Variants in PITRM1 observed in about 807,000 individuals in gnomAD.
The protein encoded by PITRM1 is presequence protease, mitochondrial.
In PITRM1, 100 loss-of-function variants were observed where a neutral mutation model predicts 129.9. The ratio of observed to expected loss-of-function variants is 0.77; its 90% CI spans 0.65 to 0.91. The LOEUF (loss-of-function observed/expected upper bound fraction) is 0.91. Among genes scored for constraint, PITRM1 ranks in the 40% least tolerant of loss-of-function variants. The pLI, the probability that PITRM1 is intolerant of heterozygous loss-of-function variation, is 0.00. For missense variants in PITRM1, 1,471 were observed against 1,318.3 expected (o/e 1.12, Z -1.79); for synonymous variants, 591 against 508.8 (o/e 1.16, Z -2.17).
chr10:3,149,501 TACAC>T, intron 16 of PITRM1, 116 bp downstream of exon 16: 1 of 1,028,636 alleles, frequency 9.7e-7, no homozygotes, highest in South Asian at 1.8e-5. Flanking sequence ...ACACCATACT[TACAC>T]ACTAACATTG....
chr10:3,172,825 G>A, upstream of PITRM1: 1 of 1,518,244 alleles, frequency 6.6e-7, no homozygotes, highest in Non-Finnish European at 8.9e-7. Context: ...CCCGACGCAG[G>A]GCGCGGGGCG....
chr10:3,138,797 A>G, intron 25 of PITRM1, 107 bp downstream of exon 25: 1 of 998,924 alleles, frequency 1.0e-6, no homozygotes, highest in Non-Finnish European at 1.6e-6. Context: ...GCAAGGATGG[A>G]GGCACCAGAA....
chr10:3,165,159 C>G, intron 6 of PITRM1, 79 bp downstream of exon 6: 3 of 998,104 alleles, frequency 3.0e-6, no homozygotes, highest in South Asian at 3.3e-5. Context: ...TAAATAAAAT[C>G]TTCCAGATGT....
intron 13 of PITRM1, among the ~76,000 whole-genome samples, chr10:3,156,050 G>A (rs912624173): frequency 2.3e-4 from 35 of 152,220 alleles, no homozygotes; most frequent in Middle Eastern, 3.4e-3. Flanking sequence ...TTGTAAAAAG[G>A]TTTGCACTTT....
rs1253434811 is a variant in PITRM1 at position 3,138,058 on chromosome 10, G to A, written c.3087C>T (p.Ala1029=). 1.2e-6 allele frequency: 2 copies of A among 1,608,518 alleles called. No individual in the cohort carries two copies. The highest frequency in any genetic ancestry group is 2.7e-5 in the African/African-American group (2 of 74,826). ...ATTGGATGATCCAGGATGGGTCCTT[G>A]GCAATTTTCGGGTTCTCGGGTCCGA... ...AILGPENPKI[A]KDPSWIIQ is the part of the protein sequence containing the mutation. Residue 1029 remains alanine (A), a synonymous_variant, in exon 27 of 27, where the codon GCC becomes GCT. Coordinates refer to ENST00000224949, the MANE Select transcript of PITRM1 (RefSeq NM_014889.4).
At chr10:3,161,663 C>T (rs1177827359) in intron 7 of PITRM1, among the ~76,000 whole-genome samples, 8 of 130,562 alleles carry the variant, frequency 6.1e-5, no homozygotes, top group East Asian at 2.3e-4. Context: ...CCCGGCTGTG[C>T]GTGCATTAGG....
In PITRM1 at chr10:3,138,252, G is replaced by C. The variant is rs779150706; in HGVS notation, c.3003C>G (p.Leu1001=). The C allele has an allele frequency of 2.8e-5, 45 of 1,613,186 alleles. No individual in the cohort carries two copies. The South Asian group carries it at 4.4e-4, about 16-fold the overall frequency. The change falls in exon 26 of 27, where the codon CTC becomes CTG. Residue 1001 remains leucine (L), a synonymous_variant. Transcript: ENST00000224949. ...EQLFAVSHDK[L]LAVSDRYLGT... ...CCACTCACCTATCGCTCACGGCCAG[G>C]AGCTTGTCGTGGCTGACAGCAAAGA...
chr10:3,141,823 T>TCTA, intron 23 of PITRM1: 2 of 282,502 alleles, frequency 7.1e-6, no homozygotes, highest in Non-Finnish European at 7.5e-6. Context: ...GTGGGAGAAG[T>TCTA]CACGACCATC....
chr10:3,147,339 G>GCAC, intron 19 of PITRM1, 89 bp from the exon 20 acceptor site: 1 of 1,076,088 alleles, frequency 9.3e-7, no homozygotes, highest in South Asian at 1.3e-5. Flanking sequence ...TCAGAACCCT[G>GCAC]CTTGGGCAGG....
At chr10:3,165,812 C>G (rs1475324718) in intron 4 of PITRM1, among the ~76,000 whole-genome samples, 5 of 152,222 alleles carry the variant, frequency 3.3e-5, no homozygotes, top group Non-Finnish European at 7.3e-5. Context: ...TTTCATACAT[C>G]TACAAAGATG....
Position 3,145,625 on chromosome 10 carries a change from G to A in PITRM1, c.2428C>T (p.Arg810Trp), listed in dbSNP as rs376677614. 41 of 1,550,016 alleles carry A rather than the reference G, an allele frequency of 2.6e-5. No individual in the cohort carries two copies. Among genetic ancestry groups the A allele is most frequent in the African/African-American group, 9.6e-5 (7 of 73,132 alleles). ...ACCGTGTGTGGGCGCACAGGCCTCC[G>A]TTCCTTTTTACTCCGACCGATGCTT... The part of the protein sequence containing the change: ...LRSIGRSKKE[R>W]RPVRPHTVEK... The change falls in exon 21 of 27, where the codon CGG (arginine) becomes TGG (tryptophan). Residue 810 changes from arginine (R) to tryptophan (W), a missense_variant. By Grantham distance (101) the Arg-to-Trp change is moderately radical. Coordinates refer to ENST00000224949, the MANE Select transcript of PITRM1 (RefSeq NM_014889.4).
At chr10:3,171,140 G>A (rs1384730803) in intron 1 of PITRM1, among the ~76,000 whole-genome samples, 1 of 53,610 alleles carries the variant, frequency 1.9e-5, no homozygotes, top group African/African-American at 8.2e-5. Flanking sequence ...CGGACTAATC[G>A]TTCAATTAAA....
intron 8 of PITRM1, 45 bp from the exon 9 acceptor site, chr10:3,159,981 T>C (rs781224584): frequency 2.2e-6 from 3 of 1,356,440 alleles, no homozygotes; most frequent in East Asian, 2.4e-5. Flanking sequence ...TGTCTGACGG[T>C]TGTCAACTAC....
intron 15 of PITRM1, 84 bp downstream of exon 15, chr10:3,151,163 A>G (rs1238177265): frequency 7.7e-6 from 6 of 774,210 alleles, no homozygotes; most frequent in South Asian, 7.3e-5. Flanking sequence ...CCTCCAAGAC[A>G]TGACTCTACT....
chr10:3,153,783 G>A (rs964558969), intron 14 of PITRM1, among the ~76,000 whole-genome samples: 2 of 152,036 alleles, frequency 1.3e-5, no homozygotes, highest in African/African-American at 2.4e-5. Context: ...TCCACCTAAC[G>A]TCCACTCTTA....
intron 20 of PITRM1, 146 bp downstream of exon 20, chr10:3,147,004 A>AC: frequency 2.0e-6 from 1 of 497,174 alleles, no homozygotes; most frequent in Non-Finnish European, 3.5e-6. Flanking sequence ...ATATTTTCTT[A>AC]GTTTGTTAGA....
At chr10:3,160,429 A>C in intron 7 of PITRM1, 99 bp from the exon 8 acceptor site, 1 of 989,656 alleles carries the variant, frequency 1.0e-6, no homozygotes, top group Non-Finnish European at 1.5e-6. Flanking sequence ...AGTGCCCCTT[A>C]CCCAAGGTCT....
In PITRM1 at chr10:3,158,941, A is replaced by G; in HGVS notation, c.1109T>C (p.Leu370Pro). ...AACATCAGGAGAAAAGTCTGTGCCA[A>G]GGCCAGATTCAATCAAGGCTTTGTA... ...PFYKALIESG[L>P]GTDFSPDVGY... The change falls in exon 10 of 27, where the codon CTT (leucine) becomes CCT (proline). Residue 370 changes from leucine to proline, a missense_variant. Transcript: ENST00000224949. 1 of 1,613,890 alleles carries G rather than the reference A, an allele frequency of 6.2e-7. No homozygotes were observed. The highest frequency in any genetic ancestry group is 8.5e-7 in the Non-Finnish European group (1 of 1,179,802).
intron 18 of PITRM1, 125 bp from the exon 19 acceptor site, chr10:3,147,862 A>G (rs1841066244): frequency 8.6e-7 from 1 of 1,169,146 alleles, no homozygotes; most frequent in African/African-American, 1.5e-5. Context: ...GTCCATATGA[A>G]CTACAAGTAA....
Sources: allele counts gnomAD v4.1 joint callset (sites outside exome capture counted in the v4.1 genomes callset), GRCh38; gene constraint gnomAD v4.1.1; transcripts MANE v1.5; gene names NCBI Gene and HGNC (gene_info 2026-07-23, HGNC 2026-07-21).